The following ZNF892 variants were observed in gnomAD, a reference collection of about 807,000 sequenced individuals.
The protein encoded by ZNF892 is zinc finger protein 892.
At chr2:95,237,053 G>C in the ZNF892 span, among the ~76,000 whole-genome samples, 1 of 151,230 alleles carries the variant, frequency 6.6e-6, no homozygotes, top group African/African-American at 2.4e-5. Flanking sequence ...CTCCCTTCGT[G>C]TCTCTGTGTC....
At chr2:95,255,562 T>G in the ZNF892 span, among the ~76,000 whole-genome samples, 1 of 152,200 alleles carries the variant, frequency 6.6e-6, no homozygotes, top group Non-Finnish European at 1.5e-5. Flanking sequence ...TCTGTTGATT[T>G]GGGGTGGAGA....
chr2:95,249,229 A>ATTTTTT, the ZNF892 span, among the ~76,000 whole-genome samples: 1 of 70,626 alleles, frequency 1.4e-5, no homozygotes, highest in East Asian at 4.2e-4. Flanking sequence ...ATATATATAT[A>ATTTTTT]TATTTTTTTT....
the ZNF892 span, among the ~76,000 whole-genome samples, chr2:95,232,637 C>A: frequency 1.3e-5 from 2 of 152,144 alleles, no homozygotes; most frequent in African/African-American, 4.8e-5. Flanking sequence ...CACTTACAGC[C>A]TATCTGCTTC....
chr2:95,250,747 T>C, the ZNF892 span, among the ~76,000 whole-genome samples: 1 of 144,552 alleles, frequency 6.9e-6, no homozygotes, highest in African/African-American at 2.5e-5. Context: ...CAATATAAAA[T>C]ATCCATAAAT....
chr2:95,212,225 C>T, the ZNF892 span: 1 of 398,394 alleles, frequency 2.5e-6, no homozygotes. Context: ...TGTAATCTCT[C>T]AGTTGGAGCA....
chr2:95,214,909 T>A, the ZNF892 span: 1 of 504,088 alleles, frequency 2.0e-6, no homozygotes, highest in Non-Finnish European at 3.6e-6. Flanking sequence ...CGCTCAGCCC[T>A]TATTCGGCAT....
the ZNF892 span, among the ~76,000 whole-genome samples, chr2:95,239,785 A>G: frequency 6.6e-6 from 1 of 151,696 alleles, no homozygotes; most frequent in African/African-American, 2.4e-5. Flanking sequence ...CTGCCACCAC[A>G]CCCAGCTACT....
the ZNF892 span, among the ~76,000 whole-genome samples, chr2:95,239,541 A>G: frequency 1.3e-5 from 2 of 152,062 alleles, no homozygotes; most frequent in African/African-American, 2.4e-5. Flanking sequence ...GAAACCACCG[A>G]CCTGATTAGT....
At chr2:95,220,727 A>G in the ZNF892 span, among the ~76,000 whole-genome samples, 1 of 152,182 alleles carries the variant, frequency 6.6e-6, no homozygotes, top group African/African-American at 2.4e-5. Context: ...TAAGCTGCCA[A>G]TTTGATAGGT....
At chr2:95,214,451 T>G in the ZNF892 span, 4 of 398,400 alleles carry the variant, frequency 1.0e-5, no homozygotes, top group Admixed American at 4.4e-5. Context: ...CTAGTGAATG[T>G]GAGGATTCTT....
chr2:95,223,472 C>G, the ZNF892 span, among the ~76,000 whole-genome samples: 1 of 152,142 alleles, frequency 6.6e-6, no homozygotes. Context: ...GATTTTGGCT[C>G]TTTGCAACCT....
the ZNF892 span, among the ~76,000 whole-genome samples, chr2:95,257,305 G>A: frequency 6.6e-6 from 1 of 152,214 alleles, no homozygotes; most frequent in Non-Finnish European, 1.5e-5. Flanking sequence ...ACCCTCAGCT[G>A]CAGGTCTGTT....
the ZNF892 span, among the ~76,000 whole-genome samples, chr2:95,243,574 C>A: frequency 6.6e-6 from 1 of 151,612 alleles, no homozygotes; most frequent in Admixed American, 6.6e-5. Flanking sequence ...CTCTGCCTGG[C>A]AACCGCCCCG....
At chr2:95,244,542 C>G in the ZNF892 span, among the ~76,000 whole-genome samples, 1 of 152,252 alleles carries the variant, frequency 6.6e-6, no homozygotes, top group Admixed American at 6.5e-5. Context: ...ATTCATAAAG[C>G]AAGTTCTTAG....
the ZNF892 span, among the ~76,000 whole-genome samples, chr2:95,233,807 G>C: frequency 2.7e-5 from 4 of 146,942 alleles, no homozygotes; most frequent in Non-Finnish European, 5.9e-5. Context: ...GCCCTCCTTT[G>C]AAACTTCCCC....
chr2:95,221,492 T>G, the ZNF892 span, among the ~76,000 whole-genome samples: 1 of 152,230 alleles, frequency 6.6e-6, no homozygotes, highest in Non-Finnish European at 1.5e-5. Flanking sequence ...CCCTTGAATT[T>G]TAGTTGCATT....
the ZNF892 span, among the ~76,000 whole-genome samples, chr2:95,240,982 C>G: frequency 1.3e-5 from 2 of 152,340 alleles, no homozygotes; most frequent in South Asian, 4.1e-4. Flanking sequence ...CAGGGTTATA[C>G]GAACAGAGCT....
chr2:95,256,803 C>T, the ZNF892 span, among the ~76,000 whole-genome samples: 1 of 152,148 alleles, frequency 6.6e-6, no homozygotes, highest in Non-Finnish European at 1.5e-5. Flanking sequence ...ACCTTCTCTT[C>T]TCGCTTCATT....
At chr2:95,256,583 G>A in the ZNF892 span, among the ~76,000 whole-genome samples, 2 of 152,066 alleles carry the variant, frequency 1.3e-5, no homozygotes, top group Non-Finnish European at 2.9e-5. Flanking sequence ...TATCTTTGTC[G>A]TGTTCTCTGT....
Sources: allele counts gnomAD v4.1 joint callset (sites outside exome capture counted in the v4.1 genomes callset), GRCh38; gene constraint gnomAD v4.1.1; transcripts MANE v1.5; gene names NCBI Gene and HGNC (gene_info 2026-07-23, HGNC 2026-07-21).